The following FRMD4A variants were observed in gnomAD, a reference collection of about 807,000 sequenced individuals.
The protein encoded by FRMD4A is FERM domain-containing protein 4A.
Under a neutral mutation model 129.1 loss-of-function variants are expected in FRMD4A, and 29 were observed. The ratio of observed to expected loss-of-function variants is 0.22; its 90% CI spans 0.17 to 0.31. The LOEUF (loss-of-function observed/expected upper bound fraction) is 0.31. Ranked by LOEUF, FRMD4A falls within the 10% of genes least tolerant of loss-of-function variation. The probability of loss-of-function intolerance (pLI) is 1.00; values close to 1 mark genes in which losing one functional copy is unlikely to be tolerated. For missense variants in FRMD4A, 1,272 were observed against 1,375.8 expected (o/e 0.92, Z 1.19); for synonymous variants, 634 against 571.6 (o/e 1.11, Z -1.56).
intron 14 of FRMD4A, among the ~76,000 whole-genome samples, chr10:13,697,000 C>T (rs1216003328): frequency 1.3e-5 from 2 of 152,098 alleles, no homozygotes; most frequent in Admixed American, 6.6e-5. Flanking sequence ...ATTTTGGGGA[C>T]CTCATTAATC....
intron 2 of FRMD4A, among the ~76,000 whole-genome samples, chr10:13,994,819 A>G (rs551695232): frequency 5.0e-4 from 76 of 152,316 alleles, no homozygotes; most frequent in African/African-American, 1.6e-3. Flanking sequence ...GCTGAGTAGT[A>G]GCTGGCCTCA....
At chr10:13,865,033 G>A (rs1262041632) in intron 2 of FRMD4A, among the ~76,000 whole-genome samples, 2 of 152,038 alleles carry the variant, frequency 1.3e-5, no homozygotes, top group Admixed American at 1.3e-4. Context: ...GGTGTGCAAT[G>A]GTGTGATCTT....
intron 2 of FRMD4A, among the ~76,000 whole-genome samples, chr10:14,257,561 T>C (rs2132028920): frequency 6.6e-6 from 1 of 152,328 alleles, no homozygotes; most frequent in African/African-American, 2.4e-5. Context: ...TGTGATCTTA[T>C]TTAAAAACTG....
At chr10:14,028,450 G>C (rs1833083191) in intron 2 of FRMD4A, among the ~76,000 whole-genome samples, 1 of 152,130 alleles carries the variant, frequency 6.6e-6, no homozygotes, top group Non-Finnish European at 1.5e-5. Context: ...ACTGACAAAG[G>C]GGGAGAAGAG....
chr10:14,066,342 C>A (rs1011638360), intron 2 of FRMD4A, among the ~76,000 whole-genome samples: 7 of 151,326 alleles, frequency 4.6e-5, no homozygotes, highest in Admixed American at 1.3e-4. Context: ...GTTGTCCACA[C>A]AGGGAAGGGG....
chr10:13,938,654 G>A (rs1238385350), intron 2 of FRMD4A, among the ~76,000 whole-genome samples: 2 of 152,182 alleles, frequency 1.3e-5, no homozygotes, highest in Admixed American at 6.5e-5. Context: ...TTTATACAGG[G>A]CACAGAAGGG....
chr10:14,237,411 A>T (rs1219932483), intron 2 of FRMD4A, among the ~76,000 whole-genome samples: 3 of 151,970 alleles, frequency 2.0e-5, no homozygotes, highest in Non-Finnish European at 4.4e-5. Context: ...GCTCACTGTA[A>T]CCTCTGCCTC....
At chr10:14,264,459 G>A (rs944553777) in intron 2 of FRMD4A, among the ~76,000 whole-genome samples, 2 of 152,136 alleles carry the variant, frequency 1.3e-5, no homozygotes, top group African/African-American at 2.4e-5. Flanking sequence ...CTGGACTCTA[G>A]CCAATGACCC....
At chr10:13,716,123 T>C (rs917315456) in intron 12 of FRMD4A, among the ~76,000 whole-genome samples, 1 of 152,162 alleles carries the variant, frequency 6.6e-6, no homozygotes, top group Non-Finnish European at 1.5e-5. Context: ...TTGTTTACAA[T>C]GCAAGGAGAA....
At chr10:13,966,754 A>G (rs1052843088) in intron 2 of FRMD4A, among the ~76,000 whole-genome samples, 9 of 152,374 alleles carry the variant, frequency 5.9e-5, no homozygotes, top group Admixed American at 4.6e-4. Flanking sequence ...AAGTCATTAT[A>G]TGAAAAATAC....
intron 2 of FRMD4A, among the ~76,000 whole-genome samples, chr10:14,041,126 T>C (rs1833762620): frequency 6.6e-6 from 1 of 152,202 alleles, no homozygotes; most frequent in Non-Finnish European, 1.5e-5. Flanking sequence ...GTAGAGTATA[T>C]GGGGTTATAC....
chr10:14,290,113 T>G (rs539455967), intron 2 of FRMD4A, among the ~76,000 whole-genome samples: 59 of 152,192 alleles, frequency 3.9e-4, no homozygotes, highest in Non-Finnish European at 7.7e-4. Flanking sequence ...AAAGACATCT[T>G]GTGTTTATGG....
intron 2 of FRMD4A, among the ~76,000 whole-genome samples, chr10:13,877,771 G>A (rs867378692): frequency 3.2e-4 from 48 of 152,284 alleles, no homozygotes; most frequent in African/African-American, 1.0e-3. Flanking sequence ...ATTCTTCCTG[G>A]GGGAGGTTTT....
At chr10:14,016,640 A>G (rs1484850722) in intron 2 of FRMD4A, among the ~76,000 whole-genome samples, 2 of 152,206 alleles carry the variant, frequency 1.3e-5, no homozygotes, top group Non-Finnish European at 2.9e-5. Context: ...AACTATGAGT[A>G]CAGAATTAAT....
At chr10:14,105,296 C>T (rs11258867) in intron 2 of FRMD4A, among the ~76,000 whole-genome samples, 17,199 of 152,034 alleles carry the variant, frequency 0.11, 3,054 homozygotes, top group African/African-American at 0.38. Context: ...CTGGGCATGG[C>T]GCATCATGCC....
At chr10:13,854,395 C>T (rs1232128553) in intron 3 of FRMD4A, among the ~76,000 whole-genome samples, 2 of 152,096 alleles carry the variant, frequency 1.3e-5, no homozygotes, top group African/African-American at 4.8e-5. Flanking sequence ...ATGAGGGTGG[C>T]TCCTCTCATT....
At position 13,657,477 on chromosome 10, in the gene FRMD4A, G is replaced by C; in HGVS notation, c.2112C>G (p.His704Gln). The change falls in exon 22 of 25, where the codon CAC becomes CAG. Residue 704 changes from histidine (H) to glutamine (Q), a missense_variant. His to Gln is a conservative substitution (Grantham distance 24). Coordinates refer to ENST00000357447, the MANE Select transcript of FRMD4A (RefSeq NM_018027.5). ...SPTRLHSLAL[H>Q]FRHRSSSLES... ...CCAGGCTGGAGCTCCGGTGCCTAAA[G>C]TGCAGTGCGAGGCTGTGCAGTCGGG... 1 of 1,610,324 alleles carries C rather than the reference G, an allele frequency of 6.2e-7. No individual in the cohort carries two copies. The highest frequency in any genetic ancestry group is 8.5e-7 in the Non-Finnish European group (1 of 1,179,826).
intron 2 of FRMD4A, among the ~76,000 whole-genome samples, chr10:13,881,559 G>C (rs1182732283): frequency 6.6e-6 from 1 of 152,182 alleles, no homozygotes; most frequent in Admixed American, 6.5e-5. Flanking sequence ...CTGGGCTGGA[G>C]CAGGAAACAG....
At chr10:14,215,960 T>TA (rs971327361) in intron 2 of FRMD4A, among the ~76,000 whole-genome samples, 1,787 of 148,454 alleles carry the variant, frequency 0.012, 30 homozygotes, top group African/African-American at 0.04. Flanking sequence ...CTGGAAGGAA[T>TA]AAAAAAAAAA....
Sources: gnomAD v4.1 joint callset for allele counts (sites outside exome capture counted in the v4.1 genomes callset) on GRCh38, gnomAD v4.1.1 for gene constraint, MANE v1.5 for transcripts, NCBI Gene and HGNC (gene_info 2026-07-23, HGNC 2026-07-21) for gene names.